Variants in LYPLAL1 observed in about 807,000 individuals in gnomAD.
The protein encoded by LYPLAL1 is lysophospholipase like 1.
Under a neutral mutation model 19.7 loss-of-function variants are expected in LYPLAL1, and 23 were observed. That is an observed-to-expected ratio of 1.17 (90% CI 0.84 to 1.65). The LOEUF is 1.65. Ranked by LOEUF, LYPLAL1 falls within the 40% of genes most tolerant of loss-of-function variation. LYPLAL1 has a pLI of 0.00. For missense variants in LYPLAL1, 355 were observed against 279.4 expected, an observed-to-expected ratio of 1.27 and a Z score of -1.93; for synonymous variants, 119 against 96.3, an observed-to-expected ratio of 1.24 and a Z score of -1.38.
chr1:219,439,974 C>CATAT, the LYPLAL1 span, among the ~76,000 whole-genome samples: 1,587 of 100,102 alleles, frequency 0.016, 35 homozygotes, highest in African/African-American at 0.066. Flanking sequence ...TATATATATA[C>CATAT]ATATATATAT....
At chr1:219,178,968 AT>A (rs1481175530) in intron 1 of LYPLAL1, among the ~76,000 whole-genome samples, 178 bp from the exon 2 acceptor site, 2 of 152,188 alleles carry the variant, frequency 1.3e-5, no homozygotes, top group Non-Finnish European at 2.9e-5. Context: ...ATTGCTAGTT[AT>A]TGAGACCTAG....
the LYPLAL1 span, among the ~76,000 whole-genome samples, chr1:219,292,679 G>GT: frequency 6.6e-6 from 1 of 152,150 alleles, no homozygotes; most frequent in Non-Finnish European, 1.5e-5. Flanking sequence ...GATATTCACT[G>GT]AACACTTTAG....
the LYPLAL1 span, among the ~76,000 whole-genome samples, chr1:219,423,683 C>A: frequency 4.2e-4 from 64 of 152,154 alleles, no homozygotes; most frequent in African/African-American, 1.4e-3. Flanking sequence ...TTTGAATATT[C>A]TTTAATTAGA....
chr1:219,253,421 G>A, the LYPLAL1 span, among the ~76,000 whole-genome samples: 5 of 151,902 alleles, frequency 3.3e-5, no homozygotes, highest in African/African-American at 7.2e-5. Flanking sequence ...TAAGTGCTAT[G>A]AATTTCCCTC....
At chr1:219,283,148 A>G in the LYPLAL1 span, among the ~76,000 whole-genome samples, 3 of 152,188 alleles carry the variant, frequency 2.0e-5, no homozygotes, top group Non-Finnish European at 4.4e-5. Context: ...CTAGTAAACA[A>G]TGGATCTGGG....
chr1:219,390,299 G>GT, the LYPLAL1 span, among the ~76,000 whole-genome samples: 1 of 152,098 alleles, frequency 6.6e-6, no homozygotes, highest in Admixed American at 6.6e-5. Context: ...CACCAGGAGG[G>GT]GCTCTCTCTG....
chr1:219,209,844 G>T (rs549177886), intron 3 of LYPLAL1, among the ~76,000 whole-genome samples: 2 of 152,146 alleles, frequency 1.3e-5, no homozygotes, highest in African/African-American at 4.8e-5. Flanking sequence ...AGGAGGGTCT[G>T]TGTATTTTAA....
the LYPLAL1 span, among the ~76,000 whole-genome samples, chr1:219,339,483 A>T: frequency 4.6e-5 from 7 of 152,084 alleles, no homozygotes; most frequent in Admixed American, 1.3e-4. Flanking sequence ...TGGATTTTTT[A>T]AAAACAAAAA....
At chr1:219,266,695 G>A in the LYPLAL1 span, among the ~76,000 whole-genome samples, 40 of 152,162 alleles carry the variant, frequency 2.6e-4, no homozygotes, top group African/African-American at 8.9e-4. Flanking sequence ...CCACAAACAT[G>A]TGAGTAATAC....
chr1:219,381,758 A>G, the LYPLAL1 span, among the ~76,000 whole-genome samples: 2 of 152,250 alleles, frequency 1.3e-5, no homozygotes, highest in Admixed American at 1.3e-4. Flanking sequence ...TCATTCAAAT[A>G]CTAATGGAGT....
chr1:219,241,134 C>CTCTCTCTATATATATA, the LYPLAL1 span, among the ~76,000 whole-genome samples: 102 of 44,344 alleles, frequency 2.3e-3, no homozygotes, highest in Non-Finnish European at 3.2e-3. Context: ...CTCTCTCTCT[C>CTCTCTCTATATATATA]TATATATATA....
chr1:219,366,164 A>G, the LYPLAL1 span, among the ~76,000 whole-genome samples: 1 of 152,170 alleles, frequency 6.6e-6, no homozygotes, highest in African/African-American at 2.4e-5. Context: ...GACAATGATC[A>G]CTACTGCAAA....
chr1:219,288,505 G>T, the LYPLAL1 span, among the ~76,000 whole-genome samples: 1 of 152,140 alleles, frequency 6.6e-6, no homozygotes, highest in African/African-American at 2.4e-5. Context: ...TTTCAGGGCA[G>T]TGAAAATTTT....
intron 3 of LYPLAL1, among the ~76,000 whole-genome samples, chr1:219,203,698 C>A (rs1658306416): frequency 6.6e-6 from 1 of 152,132 alleles, no homozygotes; most frequent in Admixed American, 6.5e-5. Flanking sequence ...GTTTGGTGTA[C>A]ATCCCAAATC....
At chr1:219,440,133 C>A in the LYPLAL1 span, among the ~76,000 whole-genome samples, 1 of 150,498 alleles carries the variant, frequency 6.6e-6, no homozygotes, top group Non-Finnish European at 1.5e-5. Context: ...ATTGATAGTG[C>A]TATTGGAATT....
chr1:219,231,947 G>A, the LYPLAL1 span, among the ~76,000 whole-genome samples: 1 of 152,080 alleles, frequency 6.6e-6, no homozygotes, highest in Admixed American at 6.6e-5. Context: ...CAGAAATAGG[G>A]ACCATTTTGT....
the LYPLAL1 span, among the ~76,000 whole-genome samples, chr1:219,232,081 GT>G: frequency 6.6e-6 from 1 of 152,110 alleles, no homozygotes; most frequent in African/African-American, 2.4e-5. Context: ...CAGGAGACAT[GT>G]TTTCTCTTCA....
the LYPLAL1 span, among the ~76,000 whole-genome samples, chr1:219,275,359 AATG>A: frequency 6.6e-6 from 1 of 152,200 alleles, no homozygotes; most frequent in East Asian, 1.9e-4. Flanking sequence ...CCTGGAGAGC[AATG>A]TATACCTGTA....
rs148796094 is a variant in LYPLAL1, at chr1:219,174,350, A to C, written c.91+369A>C. 3.2e-4 allele frequency: 331 copies of C among 1,041,122 alleles called. No homozygotes were observed. The African/African-American group carries it at 5.1e-3, about 16-fold the overall frequency. 64.5% of individuals were successfully genotyped at this position (1,041,122 alleles called of 1,614,324 possible). The stretch of plus-strand genomic sequence containing the variant: ...AAATTATTTAGTGTTTTTCATTATC[A>C]GCTACTAGTGATTTTTCAGTCGTAA... On this transcript the variant is annotated intron_variant, in intron 1 of 4. Coordinates refer to ENST00000366928, the MANE Select transcript of LYPLAL1 (RefSeq NM_138794.5).
Sources: gnomAD v4.1 joint callset for allele counts (sites outside exome capture counted in the v4.1 genomes callset) on GRCh38, gnomAD v4.1.1 for gene constraint, MANE v1.5 for transcripts, NCBI Gene and HGNC (gene_info 2026-07-23, HGNC 2026-07-21) for gene names.